The following GALNTL6 variants were observed in gnomAD, a reference collection of about 807,000 sequenced individuals.
GALNTL6 encodes polypeptide N-acetylgalactosaminyltransferase like 6, also known as polypeptide N-acetylgalactosaminyltransferase-like 6.
In GALNTL6, 46 loss-of-function variants were observed where a neutral mutation model predicts 73.7. The ratio of observed to expected loss-of-function variants is 0.62; its 90% confidence interval spans 0.49 to 0.80. The LOEUF is 0.80. GALNTL6 is among the 30% of genes least tolerant of loss of function. GALNTL6 has a pLI of 0.00. For synonymous variants in GALNTL6, 259 were observed against 263.7 expected (o/e 0.98, Z 0.17); for missense variants, 604 against 755.0 (o/e 0.80, Z 2.34).
At position 171,914,512 on chromosome 4, in the gene GALNTL6, C is replaced by T. The variant is rs1340390182; in HGVS notation, c.138+99794C>T. Reference sequence around the variant, plus strand: ...GTGGTGTGATCTCGGCTCACTGCAACCTCCACCTCATGGGTTCAAGCTATC... The same window carrying T: ...GTGGTGTGATCTCGGCTCACTGCAATCTCCACCTCATGGGTTCAAGCTATC... On this transcript the variant is annotated intron_variant, in intron 2 of 12. Transcript: ENST00000506823. 3.4e-5 allele frequency among the ~76,000 whole-genome samples: 5 copies of T among 146,398 alleles called. 1 individual carries two copies. The highest frequency in any genetic ancestry group is 6.0e-5 in the Non-Finnish European group (4 of 66,642).
intron 5 of GALNTL6, among the ~76,000 whole-genome samples, chr4:172,476,594 G>T (rs752176453): frequency 6.6e-6 from 1 of 151,980 alleles, no homozygotes; most frequent in Non-Finnish European, 1.5e-5. Flanking sequence ...ATAAGCAACC[G>T]CGTCATCGTA....
At chr4:171,816,451 A>C (rs1734526880) in intron 2 of GALNTL6, 1 of 152,028 alleles carries the variant, frequency 6.6e-6, no homozygotes, top group South Asian at 2.1e-4. Context: ...AGTGCAAATG[A>C]TACTTAATTT....
intron 2 of GALNTL6, among the ~76,000 whole-genome samples, chr4:171,820,748 A>C (rs1333545905): frequency 6.6e-6 from 1 of 152,170 alleles, no homozygotes; most frequent in Admixed American, 6.5e-5. Flanking sequence ...TAAATAGGAG[A>C]GTCGCTGTTA....
chr4:172,602,354 A>G (rs1738090969), intron 5 of GALNTL6, among the ~76,000 whole-genome samples: 1 of 152,134 alleles, frequency 6.6e-6, no homozygotes, highest in Non-Finnish European at 1.5e-5. Flanking sequence ...ACAAAACTTT[A>G]AAACAAAAAT....
In GALNTL6 at chr4:172,809,458, C is replaced by T; in HGVS notation, c.651C>T (p.Leu217=). 1 of 1,613,938 alleles carries T rather than the reference C, an allele frequency of 6.2e-7. No homozygotes were observed. Among genetic ancestry groups the T allele is most frequent in the Non-Finnish European group, 8.5e-7 (1 of 1,179,884 alleles). The stretch of plus-strand genomic sequence containing the variant: ...GAGAAGGACTCATCCGGACCCGTCT[C>T]CTGGGGGCATCTATGGCCAGAGGAG... ...KKREGLIRTR[L]LGASMARGEV... Residue 217 remains leucine (L), a synonymous_variant, in exon 6 of 13, where the codon CTC becomes CTT. Transcript: ENST00000506823. The surrounding 1 kb of genome is among the most constrained non-coding windows in gnomAD (Gnocchi z 4.4).
rs1380521774 is a variant in GALNTL6 at position 173,026,688 on chromosome 4, C to A, written c.1638+5063C>A. 3.3e-5 allele frequency among the ~76,000 whole-genome samples: 5 copies of A among 152,120 alleles called. No homozygotes were observed. In the South Asian group the frequency reaches 1.0e-3, roughly 32 times the overall value. ...GTGCAGCACCTACTTGAGTCTTTTG[C>A]CCATTTTCAAAACATGGGCTGTCTG... On this transcript the variant is annotated intron_variant, in intron 12 of 12. Transcript: ENST00000506823.
intron 5 of GALNTL6, among the ~76,000 whole-genome samples, chr4:172,711,460 A>G (rs1016924732): frequency 1.3e-5 from 2 of 152,132 alleles, no homozygotes; most frequent in Non-Finnish European, 2.9e-5. Context: ...TTGTGGCACA[A>G]ACTCAGTGGC....
intron 5 of GALNTL6, among the ~76,000 whole-genome samples, chr4:172,367,921 C>A (rs1337099223): frequency 1.3e-5 from 2 of 152,058 alleles, no homozygotes; most frequent in Non-Finnish European, 1.5e-5. Context: ...ATTGGCAATA[C>A]CCATAATGCT....
chr4:172,813,529 T>C lies in GALNTL6; in HGVS notation c.740-11T>C. ...GCATGTCATTTCCTATTTTGTGCTTTCATTTTTCAGACCAAATTGCACTAA... is the reference window on the plus strand; with the variant it reads ...GCATGTCATTTCCTATTTTGTGCTTCCATTTTTCAGACCAAATTGCACTAA... On this transcript the variant is annotated splice_polypyrimidine_tract_variant and intron_variant, in intron 6 of 12. Coordinates refer to ENST00000506823, the MANE Select transcript of GALNTL6 (RefSeq NM_001034845.3). The C allele has an allele frequency of 6.3e-7, 1 of 1,585,358 alleles. No individual in the cohort carries two copies. The highest frequency in any genetic ancestry group is 8.6e-7 in the Non-Finnish European group (1 of 1,157,884).
chr4:172,970,496 A>G (rs1750529178), intron 10 of GALNTL6, among the ~76,000 whole-genome samples: 1 of 152,230 alleles, frequency 6.6e-6, no homozygotes, highest in African/African-American at 2.4e-5. Context: ...TGCTAGGAGA[A>G]GAATTCAGCG....
At chr4:172,968,723 A>C (rs1353087780) in intron 10 of GALNTL6, among the ~76,000 whole-genome samples, 1 of 152,112 alleles carries the variant, frequency 6.6e-6, no homozygotes, top group East Asian at 1.9e-4. Context: ...TTAGAGCAGG[A>C]AGTTTTTGTG....
At chr4:172,718,739 G>A (rs910163794) in intron 5 of GALNTL6, among the ~76,000 whole-genome samples, 9 of 151,708 alleles carry the variant, frequency 5.9e-5, no homozygotes, top group Non-Finnish European at 1.2e-4. Flanking sequence ...CAGACCCTGA[G>A]TGTTCAAAAT....
chr4:172,608,812 T>C (rs1017700653), intron 5 of GALNTL6, among the ~76,000 whole-genome samples: 7 of 152,188 alleles, frequency 4.6e-5, no homozygotes, highest in African/African-American at 1.7e-4. Flanking sequence ...TTCAGCAGTG[T>C]TTTGTAATTC....
intron 5 of GALNTL6, among the ~76,000 whole-genome samples, chr4:172,749,519 T>C (rs185773894): frequency 6.6e-6 from 1 of 152,222 alleles, no homozygotes; most frequent in Admixed American, 6.5e-5. Context: ...TTCAATTTGG[T>C]TTTCACAATT....
chr4:173,017,280 A>T (rs1290222431), intron 11 of GALNTL6, among the ~76,000 whole-genome samples: 1 of 152,202 alleles, frequency 6.6e-6, no homozygotes. Flanking sequence ...TTACTTTAAC[A>T]CTGAGGAATT....
chr4:172,939,636 C>T (rs1748816576), intron 9 of GALNTL6, among the ~76,000 whole-genome samples: 1 of 152,258 alleles, frequency 6.6e-6, no homozygotes, highest in Non-Finnish European at 1.5e-5. Flanking sequence ...TGGGCCTTGC[C>T]AGTTAGATCA....
intron 2 of GALNTL6, among the ~76,000 whole-genome samples, chr4:171,998,538 G>A (rs982858462): frequency 6.6e-6 from 1 of 152,088 alleles, no homozygotes; most frequent in African/African-American, 2.4e-5. Flanking sequence ...CACATTTTTA[G>A]GTAGTGGGGG....
intron 10 of GALNTL6, among the ~76,000 whole-genome samples, chr4:172,955,398 A>T (rs1209721499): frequency 1.3e-5 from 2 of 152,112 alleles, no homozygotes; most frequent in Non-Finnish European, 2.9e-5. Context: ...GAATCGCTTG[A>T]ACCCGGGAGG....
At chr4:172,083,186 T>C (rs1470204099) in intron 2 of GALNTL6, among the ~76,000 whole-genome samples, 2 of 152,178 alleles carry the variant, frequency 1.3e-5, no homozygotes, top group African/African-American at 2.4e-5. Context: ...CACAGAAAAC[T>C]ATCTTGTCTA....
Sources: gnomAD v4.1 joint callset for allele counts (sites outside exome capture counted in the v4.1 genomes callset) on GRCh38, gnomAD v4.1.1 for gene constraint, Gnocchi (gnomAD v3.1) non-coding constraint, MANE v1.5 for transcripts, NCBI Gene and HGNC (gene_info 2026-07-23, HGNC 2026-07-21) for gene names.